Variants in RYR3 observed in about 807,000 individuals in gnomAD.
The protein encoded by RYR3 is brain ryanodine receptor-calcium release channel.
RYR3 carries 207 observed loss-of-function variants against 584.3 expected under a neutral mutation model. The ratio of observed to expected loss-of-function variants is 0.35; its 90% confidence interval spans 0.32 to 0.40. RYR3 has a LOEUF of 0.40. Among genes scored for constraint, RYR3 ranks in the 10% least tolerant of loss-of-function variants. RYR3 has a pLI of 1.00. For synonymous variants in RYR3, 2,416 were observed against 2,248.5 expected, an observed-to-expected ratio of 1.07 and a Z score of -2.11; for missense variants, 5,616 against 6,089.2, an observed-to-expected ratio of 0.92 and a Z score of 2.59.
intron 1 of RYR3, among the ~76,000 whole-genome samples, chr15:33,322,723 C>CT (rs529002756): frequency 5.1e-4 from 78 of 152,138 alleles, no homozygotes; most frequent in African/African-American, 1.9e-3. Context: ...TCCAGAACAA[C>CT]TTTTTTTCCA....
In RYR3 at chr15:33,376,217, C is replaced by T. The variant is rs562809293; in HGVS notation, c.51+65121C>T. 9.9e-5 allele frequency among the ~76,000 whole-genome samples: 15 copies of T among 152,166 alleles called. No homozygotes were observed. The East Asian group carries it at 2.5e-3, about 25-fold the overall frequency. ...GGCATTTCATATAGATGGATTAGTACCATATATACTTTTTTGTGTCTGGCT... is the reference window on the plus strand; with the variant it reads ...GGCATTTCATATAGATGGATTAGTATCATATATACTTTTTTGTGTCTGGCT... On this transcript the variant is annotated intron_variant, in intron 1 of 103. Coordinates refer to ENST00000634891, the MANE Select transcript of RYR3 (RefSeq NM_001036.6).
At chr15:33,328,322 C>T (rs1969986921) in intron 1 of RYR3, among the ~76,000 whole-genome samples, 1 of 152,098 alleles carries the variant, frequency 6.6e-6, no homozygotes, top group African/African-American at 2.4e-5. Flanking sequence ...TTCTGGAGTG[C>T]TTCGTCTGTT....
chr15:33,804,095 A>G (rs1835638076), intron 69 of RYR3, among the ~76,000 whole-genome samples: 1 of 152,234 alleles, frequency 6.6e-6, no homozygotes, highest in Non-Finnish European at 1.5e-5. Flanking sequence ...ACATCACTGA[A>G]TGAGGAAAAG....
intron 1 of RYR3, among the ~76,000 whole-genome samples, chr15:33,330,343 G>A (rs1970231795): frequency 6.6e-6 from 1 of 152,068 alleles, no homozygotes; most frequent in Non-Finnish European, 1.5e-5. Flanking sequence ...TGTTTTCTCT[G>A]TCTTTGCATC....
At chr15:33,455,527 G>C (rs2142015861) in intron 1 of RYR3, among the ~76,000 whole-genome samples, 1 of 152,190 alleles carries the variant, frequency 6.6e-6, no homozygotes, top group South Asian at 2.1e-4. Context: ...AAGAAAAGAT[G>C]GTTTCCAGAA....
intron 1 of RYR3, among the ~76,000 whole-genome samples, chr15:33,334,660 A>G (rs1970748521): frequency 6.6e-6 from 1 of 152,222 alleles, no homozygotes; most frequent in African/African-American, 2.4e-5. Flanking sequence ...AGCAATTGCA[A>G]CAAAAGCAAA....
At chr15:33,469,614 A>T (rs748381058) in intron 1 of RYR3, among the ~76,000 whole-genome samples, 1 of 151,802 alleles carries the variant, frequency 6.6e-6, no homozygotes, top group Non-Finnish European at 1.5e-5. Context: ...TGGGGAATAT[A>T]AAAGGATAGG....
intron 30 of RYR3, among the ~76,000 whole-genome samples, chr15:33,648,656 A>G (rs947848022): frequency 1.3e-5 from 2 of 151,864 alleles, no homozygotes; most frequent in Non-Finnish European, 2.9e-5. Context: ...ACCCTTGACC[A>G]CTCTTTCTCT....
intron 1 of RYR3, among the ~76,000 whole-genome samples, chr15:33,320,989 G>C (rs116656984): frequency 0.013 from 2,002 of 152,286 alleles, 44 homozygotes; most frequent in African/African-American, 0.046. Flanking sequence ...AAATGAGCCT[G>C]CAATGTTCAT....
chr15:33,800,742 A>G lies in RYR3; in HGVS notation c.9831-28A>G, dbSNP rs1439739415. On this transcript the variant is annotated intron_variant, in intron 67 of 103. Coordinates refer to ENST00000634891, the MANE Select transcript of RYR3 (RefSeq NM_001036.6). ...TATTTTAATCTCTACTGAATTTCAA[A>G]TGCCTGTTTATTTACTTTTGGACCC... is the stretch of plus-strand genomic sequence containing the variant. 10 of 1,521,038 alleles carry G rather than the reference A, an allele frequency of 6.6e-6. No homozygotes were observed. The Middle Eastern group carries it at 5.1e-4, about 77-fold the overall frequency. 94.2% of individuals were successfully genotyped at this position (1,521,038 alleles called of 1,614,324 possible).
intron 67 of RYR3, among the ~76,000 whole-genome samples, chr15:33,799,774 G>A (rs1200161716): frequency 6.6e-6 from 1 of 152,198 alleles, no homozygotes; most frequent in Admixed American, 6.5e-5. Context: ...TTGTGGGTCT[G>A]AGCCCTTAAC....
chr15:33,705,149 T>C (rs2066607139), intron 42 of RYR3, among the ~76,000 whole-genome samples: 1 of 142,680 alleles, frequency 7.0e-6, no homozygotes, highest in Non-Finnish European at 1.5e-5. Flanking sequence ...TGGGCAATTA[T>C]AGCAGCCTGT....
chr15:33,697,541 T>C (rs926399200), intron 39 of RYR3, among the ~76,000 whole-genome samples: 1 of 152,220 alleles, frequency 6.6e-6, no homozygotes, highest in Non-Finnish European at 1.5e-5. Flanking sequence ...TGTTCTTACA[T>C]CTTAATGTCG....
intron 43 of RYR3, among the ~76,000 whole-genome samples, chr15:33,718,733 A>G (rs1442471361): frequency 6.6e-6 from 1 of 152,196 alleles, no homozygotes; most frequent in Non-Finnish European, 1.5e-5. Context: ...GGTGGGTATG[A>G]CTGTTTTACC....
chr15:33,563,520 C>T (rs921959124), intron 11 of RYR3, among the ~76,000 whole-genome samples: 6 of 152,120 alleles, frequency 3.9e-5, no homozygotes, highest in South Asian at 4.1e-4. Context: ...CCTGCTCCAG[C>T]GAGAAAAACT....
intron 1 of RYR3, among the ~76,000 whole-genome samples, chr15:33,425,698 T>G (rs1034269622): frequency 1.8e-4 from 26 of 142,688 alleles, no homozygotes; most frequent in South Asian, 1.1e-3. Flanking sequence ...CTGGAGTGAA[T>G]TGCCGTGATC....
In RYR3 at chr15:33,512,072, C is replaced by T. The variant is rs529165141; in HGVS notation, c.279+8334C>T. 5.3e-5 allele frequency among the ~76,000 whole-genome samples: 8 copies of T among 152,314 alleles called. No individual in the cohort carries two copies. The East Asian group carries it at 1.5e-3, about 29-fold the overall frequency. On this transcript the variant is annotated intron_variant, in intron 3 of 103. Transcript: ENST00000634891. ...GGATTACAGGCGTGAGCCACCGCGC[C>T]CGGCTGCAAGTTGTTTTTAAAGCCT...
chr15:33,572,281 A>G (rs113305807), intron 12 of RYR3, among the ~76,000 whole-genome samples: 3 of 152,006 alleles, frequency 2.0e-5, no homozygotes, highest in African/African-American at 7.3e-5. Flanking sequence ...ATTTCTTTGC[A>G]TGGATTCCAG....
At chr15:33,596,500 G>GT (rs1567624371) in intron 16 of RYR3, among the ~76,000 whole-genome samples, 1 of 147,354 alleles carries the variant, frequency 6.8e-6, no homozygotes, top group Non-Finnish European at 1.5e-5. Context: ...TTTTTTGGGG[G>GT]GGGGGGATTT....
Sources: allele counts gnomAD v4.1 joint callset (sites outside exome capture counted in the v4.1 genomes callset), GRCh38; gene constraint gnomAD v4.1.1; transcripts MANE v1.5; gene names NCBI Gene and HGNC (gene_info 2026-07-23, HGNC 2026-07-21).